PARP8: variants seen among roughly 807,000 people sequenced by gnomAD.
PARP8 encodes the protein poly(ADP-ribose) polymerase family member 8, also known as protein mono-ADP-ribosyltransferase PARP8.
PARP8 carries 51 observed loss-of-function variants against 124.1 expected under a neutral mutation model. The observed-to-expected ratio is 0.41, with a 90% CI of 0.33 to 0.52. The LOEUF (loss-of-function observed/expected upper bound fraction) is 0.52, where lower values mean the gene tolerates loss of function less well. Ranked by LOEUF, PARP8 falls within the 20% of genes least tolerant of loss-of-function variation. The probability of loss-of-function intolerance (pLI) is 0.21; values close to 1 mark genes in which losing one functional copy is unlikely to be tolerated. For synonymous variants in PARP8, 391 were observed against 361.5 expected (o/e 1.08, Z -0.93); for missense variants, 860 against 1,018.9 (o/e 0.84, Z 2.12).
intron 2 of PARP8, among the ~76,000 whole-genome samples, chr5:50,742,460 G>A (rs1464858810): frequency 2.6e-5 from 4 of 152,154 alleles, no homozygotes; most frequent in African/African-American, 9.7e-5. Flanking sequence ...CTTCTTCCTG[G>A]GTACAAGGAG....
Position 50,832,722 on chromosome 5 carries a change from T to C in PARP8, c.2234-59T>C, listed in dbSNP as rs374923602. 9 of 1,537,156 alleles carry C rather than the reference T, an allele frequency of 5.9e-6. No homozygotes were observed. In the South Asian group the frequency reaches 1.0e-4, roughly 17 times the overall value. The stretch of plus-strand genomic sequence containing the variant: ...GGAACTTTGCATAGTAGGTCGATTG[T>C]ACTTTCAGCTGCATCAGACAGCTTT... On this transcript the variant is annotated intron_variant, in intron 22 of 25. Transcript: ENST00000281631.
chr5:50,684,378 T>C (rs187297678), intron 2 of PARP8, among the ~76,000 whole-genome samples: 154 of 152,194 alleles, frequency 1.0e-3, no homozygotes, highest in African/African-American at 3.6e-3. Context: ...GGGCTGATTA[T>C]ATAAAACAAT....
rs757242175 is a variant in PARP8, at chr5:50,794,856, G to A, written c.867G>A (p.Ser289=). 156 of 1,610,898 alleles carry A rather than the reference G, an allele frequency of 9.7e-5. No individual in the cohort carries two copies. The highest frequency in any genetic ancestry group is 1.3e-4 in the Non-Finnish European group (148 of 1,178,036). The change falls in exon 12 of 26, where the codon TCG becomes TCA. Residue 289 remains serine, a synonymous_variant. Coordinates refer to ENST00000281631, the MANE Select transcript of PARP8 (RefSeq NM_024615.4). ...PLHLFSTLRR[S]PSYPPPGCGK... is the part of the protein sequence containing the mutation. ...TAATTGTTGTTCAATTTTGAAGGTC[G>A]CCAAGTTATCCTCCCCCTGGTTGTG...
intron 2 of PARP8, among the ~76,000 whole-genome samples, chr5:50,737,305 G>A (rs1316915262): frequency 1.3e-5 from 2 of 152,082 alleles, no homozygotes; most frequent in African/African-American, 4.8e-5. Flanking sequence ...TGATACTCCA[G>A]GGATAGCCTT....
chr5:50,720,071 C>A (rs1755720693), intron 2 of PARP8, among the ~76,000 whole-genome samples: 1 of 152,124 alleles, frequency 6.6e-6, no homozygotes, highest in East Asian at 1.9e-4. Context: ...TATTAATTTT[C>A]ATTGGTGGAG....
intron 2 of PARP8, among the ~76,000 whole-genome samples, chr5:50,679,776 C>G (rs1410527508): frequency 6.6e-6 from 1 of 152,106 alleles, no homozygotes; most frequent in African/African-American, 2.4e-5. Context: ...CATGGCTTCC[C>G]CCTGCATAGT....
At chr5:50,810,748 A>G (rs926272676) in intron 14 of PARP8, among the ~76,000 whole-genome samples, 1 of 152,054 alleles carries the variant, frequency 6.6e-6, no homozygotes, top group African/African-American at 2.4e-5. Context: ...AAATATACAA[A>G]CACCTCAAAA....
chr5:50,715,799 AAC>A (rs1193092464), intron 2 of PARP8, among the ~76,000 whole-genome samples: 1 of 152,088 alleles, frequency 6.6e-6, no homozygotes, highest in Non-Finnish European at 1.5e-5. Context: ...ATTTTTTACA[AAC>A]AGTTATGTCC....
At chr5:50,786,405 C>T (rs1341645720) in intron 9 of PARP8, among the ~76,000 whole-genome samples, 12 of 149,686 alleles carry the variant, frequency 8.0e-5, no homozygotes, top group Non-Finnish European at 1.5e-4. Flanking sequence ...TGCTCTGTTT[C>T]CCAGGCTGTA....
Position 50,750,162 on chromosome 5 carries a change from C to T in PARP8, c.158C>T (p.Ser53Leu), listed in dbSNP as rs764799494. 1 of 1,588,480 alleles carries T rather than the reference C, an allele frequency of 6.3e-7. No homozygotes were observed. Among genetic ancestry groups the T allele is most frequent in the East Asian group, 2.2e-5 (1 of 44,612 alleles). ...GTTTGTTTTAACAGTGTATCCTACT[C>T]AGTACATGTATCTGAAGATTACCCA... is the stretch of plus-strand genomic sequence containing the variant. ...YVGGPRSVSY[S>L]VHVSEDYPDN... is the part of the protein sequence containing the mutation. The change falls in exon 3 of 26, where the codon TCA becomes TTA. Residue 53 changes from serine (S) to leucine (L), a missense_variant. Ser to Leu is a moderately radical substitution (Grantham distance 145). This residue lies in a region of PARP8 where 517 missense variants were observed against 544.2 expected (regional missense o/e 0.95). Coordinates refer to ENST00000281631, the MANE Select transcript of PARP8 (RefSeq NM_024615.4).
At chr5:50,773,399 G>A (rs1561359132) in intron 7 of PARP8, among the ~76,000 whole-genome samples, 1 of 152,190 alleles carries the variant, frequency 6.6e-6, no homozygotes, top group African/African-American at 2.4e-5. Context: ...TGCATGGACA[G>A]TTTTCCCAGC....
chr5:50,827,504 T>C (rs1404797902), intron 19 of PARP8, among the ~76,000 whole-genome samples: 1 of 152,166 alleles, frequency 6.6e-6, no homozygotes, highest in African/African-American at 2.4e-5. Flanking sequence ...AAATAAAGCA[T>C]AATAATAATT....
rs929519051 is a variant in PARP8 at position 50,842,452 on chromosome 5, A to G, written c.*384A>G. 12 of 180,516 alleles carry G rather than the reference A, an allele frequency of 6.6e-5. No individual in the cohort carries two copies. Among genetic ancestry groups the G allele is most frequent in the Non-Finnish European group, 1.1e-4 (10 of 87,182 alleles). 11.2% of individuals were successfully genotyped at this position (180,516 alleles called of 1,614,324 possible). A position where few individuals can be genotyped will look rare whatever the true frequency, so the allele number is the denominator to read the frequency against. The stretch of plus-strand genomic sequence containing the variant: ...TTGAGAACATTTTATAATGGCATCT[A>G]AATCTATCAGATACTTTGCAATAAG... On this transcript the variant is annotated 3_prime_UTR_variant, in exon 26 of 26. Coordinates refer to ENST00000281631, the MANE Select transcript of PARP8 (RefSeq NM_024615.4).
chr5:50,722,090 T>C (rs1755949400), intron 2 of PARP8, among the ~76,000 whole-genome samples: 1 of 152,088 alleles, frequency 6.6e-6, no homozygotes, highest in South Asian at 2.1e-4. Context: ...TCTTAGTGAA[T>C]GTTTTATTAT....
Position 50,701,632 on chromosome 5 carries a change from A to C in PARP8, c.146+33507A>C, listed in dbSNP as rs553505331. 2.4e-4 allele frequency among the ~76,000 whole-genome samples: 37 copies of C among 152,240 alleles called. 1 individual carries two copies. The highest frequency in any genetic ancestry group is 8.9e-4 in the African/African-American group (37 of 41,570). ...GGTTCTTTTAAAATCTGGAAAATTC[A>C]TGAGGTTGTTAAAGAGATAAAGTTA... On this transcript the variant is annotated intron_variant, in intron 2 of 25. Coordinates refer to ENST00000281631, the MANE Select transcript of PARP8 (RefSeq NM_024615.4).
At chr5:50,680,438 G>C (rs1228541579) in intron 2 of PARP8, among the ~76,000 whole-genome samples, 1 of 152,124 alleles carries the variant, frequency 6.6e-6, no homozygotes, top group East Asian at 1.9e-4. Context: ...GTCTCTCTCA[G>C]TGTCTCTGGG....
intron 20 of PARP8, 26 bp downstream of exon 20, chr5:50,828,082 G>A (rs1276202596): frequency 3.4e-6 from 5 of 1,458,578 alleles, no homozygotes; most frequent in Non-Finnish European, 3.8e-6. Flanking sequence ...TGTTAATGGG[G>A]GTGTGCTCCC....
rs113775218 is a variant in PARP8, at chr5:50,698,532, G to A, written c.146+30407G>A. Among the ~76,000 whole-genome samples, 881 of 152,040 alleles carry A rather than the reference G, an allele frequency of 5.8e-3. 3 individuals are homozygous for A. The highest frequency in any genetic ancestry group is 0.02 in the African/African-American group (833 of 41,456). On this transcript the variant is annotated intron_variant, in intron 2 of 25. Coordinates refer to ENST00000281631, the MANE Select transcript of PARP8 (RefSeq NM_024615.4). ...TTTATATAAAGCCATAACTTATACC[G>A]AGAGTTTTAAATGCAGCAGAATCTC...
Position 50,827,963 on chromosome 5 carries a change from C to T in PARP8, c.1997C>T (p.Thr666Ile). 1 of 1,612,578 alleles carries T rather than the reference C, an allele frequency of 6.2e-7. No homozygotes were observed. Among genetic ancestry groups the T allele is most frequent in the Non-Finnish European group, 8.5e-7 (1 of 1,178,706 alleles). Residue 666 changes from threonine to isoleucine, a missense_variant, in exon 20 of 26, where the codon ACT (threonine) becomes ATT (isoleucine). Physicochemically the swap from Thr to Ile is moderately conservative, Grantham distance 89. This residue lies in a region of PARP8 where 343 missense variants were observed against 474.7 expected (regional missense o/e 0.72). Coordinates refer to ENST00000281631, the MANE Select transcript of PARP8 (RefSeq NM_024615.4). ...PVNRQLKFMH[T>I]PHQFLLLSSP... The stretch of plus-strand genomic sequence containing the variant: ...TGGCAGCAATTGAAGTTTATGCATA[C>T]TCCACATCAGTTCCTTCTTCTCAGC...
Sources: allele counts gnomAD v4.1 joint callset (sites outside exome capture counted in the v4.1 genomes callset), GRCh38; gene constraint gnomAD v4.1.1; regional missense constraint gnomAD v4.1.1; transcripts MANE v1.5; gene names NCBI Gene and HGNC (gene_info 2026-07-23, HGNC 2026-07-21).